MMS19: variants seen among roughly 807,000 people sequenced by gnomAD.
The protein encoded by MMS19 is MMS19 cytosolic iron-sulfur assembly component, also known as MMS19 nucleotide excision repair protein homolog.
In MMS19, 77 loss-of-function variants were observed where a neutral mutation model predicts 129.8. The observed-to-expected ratio is 0.59, with a 90% CI of 0.49 to 0.72. The LOEUF (loss-of-function observed/expected upper bound fraction) is 0.72, where lower values mean the gene tolerates loss of function less well. Among genes scored for constraint, MMS19 ranks in the 30% least tolerant of loss-of-function variants. The probability of loss-of-function intolerance (pLI) is 0.00; values close to 1 mark genes in which losing one functional copy is unlikely to be tolerated. For missense variants in MMS19, 1,168 were observed against 1,266.3 expected (o/e 0.92, Z 1.18); for synonymous variants, 491 against 502.8 (o/e 0.98, Z 0.31).
chr10:97,466,491 T>C lies in MMS19; in HGVS notation c.1505+13A>G, dbSNP rs2033524008. The C allele has an allele frequency of 1.9e-6, 3 of 1,605,942 alleles. No homozygotes were observed. Among genetic ancestry groups the C allele is most frequent in the Non-Finnish European group, 2.6e-6 (3 of 1,172,596 alleles). The stretch of plus-strand genomic sequence containing the variant: ...GGAACAGCTTGCTCTATCTCATTGC[T>C]TTAAATTCTCACCAACTCTGGGAAT... On this transcript the variant is annotated intron_variant, in intron 16 of 30. Transcript: ENST00000438925.
chr10:97,465,603 C>T (rs1589603087), intron 18 of MMS19, among the ~76,000 whole-genome samples: 1 of 152,242 alleles, frequency 6.6e-6, no homozygotes, highest in Non-Finnish European at 1.5e-5. Flanking sequence ...CGGCCCTGGC[C>T]GGGTACTCTT....
Position 97,468,316 on chromosome 10 carries a change from G to GC in MMS19, c.1153dup (p.Ala385GlyfsTer3), listed in dbSNP as rs1385500928. ...TACATTGCTGGTGACAGAGTCACAG[G>GC]CCCGGGCAGATGCACCTGCAGCTGC... is the stretch of plus-strand genomic sequence containing the variant. On this transcript the variant is annotated frameshift_variant, in exon 13 of 31. Transcript: ENST00000438925. LOFTEE classifies it high-confidence loss of function. 6.2e-7 allele frequency: 1 copy of GC among 1,612,206 alleles called. No individual in the cohort carries two copies. Among genetic ancestry groups the GC allele is most frequent in the Admixed American group, 1.7e-5 (1 of 59,878 alleles).
intron 19 of MMS19, chr10:97,463,003 GA>G (rs532441106): frequency 5.6e-4 from 151 of 270,334 alleles, no homozygotes; most frequent in East Asian, 1.2e-3. Context: ...GAGATGCAAG[GA>G]AAAAAAAATA....
intron 3 of MMS19, chr10:97,480,199 T>C (rs543745676): frequency 2.0e-5 from 9 of 450,216 alleles, no homozygotes; most frequent in African/African-American, 1.6e-4. Flanking sequence ...CCGAGCCCTA[T>C]GCAAATCAGA....
rs2030933369 is a variant in MMS19, at chr10:97,459,281, G to A, written c.2906C>T (p.Ala969Val). ...GCACTGCAGTGCGGCGATCCGGACA[G>A]CCTGGAACACAACCACAAGGAGGTG... ...FLNLSSSPSM[A>V]VRIAALQCMH... Residue 969 changes from alanine (A) to valine (V), a missense_variant and splice_region_variant, in exon 29 of 31, where the codon GCT (alanine) becomes GTT (valine). Ala to Val is a moderately conservative substitution (Grantham distance 64, BLOSUM62 0). Coordinates refer to ENST00000438925, the MANE Select transcript of MMS19 (RefSeq NM_022362.5). The A allele has an allele frequency of 6.2e-7, 1 of 1,613,314 alleles. No individual in the cohort carries two copies. The highest frequency in any genetic ancestry group is 1.1e-5 in the South Asian group (1 of 91,006).
chr10:97,461,826 A>ACATTT lies in MMS19; in HGVS notation c.2181_2184+1dup. The ACATTT allele has an allele frequency of 6.2e-7, 1 of 1,607,770 alleles. No homozygotes were observed. The highest frequency in any genetic ancestry group is 8.5e-7 in the Non-Finnish European group (1 of 1,177,128). ...CAGTACTTCCCAAATGTGCTCACTT[A>ACATTT]CATTTCGAGGCAGGGAGCAGACAAA... On this transcript the variant is annotated splice_donor_variant, in intron 22 of 30. Transcript: ENST00000438925. LOFTEE classifies it high-confidence loss of function.
At chr10:97,468,835 C>T (rs2034088155) in intron 12 of MMS19, 131 bp downstream of exon 12, 3 of 947,054 alleles carry the variant, frequency 3.2e-6, no homozygotes, top group East Asian at 2.8e-5. Context: ...TCTTTAACTC[C>T]TGACCTCAGG....
chr10:97,497,515 T>C (rs1201364731), intron 1 of MMS19, among the ~76,000 whole-genome samples: 2 of 146,110 alleles, frequency 1.4e-5, no homozygotes, highest in Non-Finnish European at 3.1e-5. Context: ...TCAATAACTT[T>C]TTAGTAGTTT....
Position 97,460,995 on chromosome 10 carries a change from T to A in MMS19, c.2324A>T (p.Asp775Val), listed in dbSNP as rs2031711261. 6.4e-7 allele frequency: 1 copy of A among 1,560,724 alleles called. No individual in the cohort carries two copies. The highest frequency in any genetic ancestry group is 8.7e-7 in the Non-Finnish European group (1 of 1,151,356). Residue 775 changes from aspartate to valine, a missense_variant, in exon 24 of 31, where the codon GAT (aspartate) becomes GTT (valine). By Grantham distance (152) the Asp-to-Val change is radical (BLOSUM62 -3). Transcript: ENST00000438925. ...GTCCACAGCTAGCTGTAGGAATTCA[T>A]CCAGCTGCTGCCCTAAAAAGGAGAG... ...LNKHPAGQQLDEFLQLAVDKV... is the reference protein window; with the variant it reads ...LNKHPAGQQLVEFLQLAVDKV...
chr10:97,498,393 C>T lies in MMS19; in HGVS notation c.-9G>A, dbSNP rs1412804566. 1.3e-6 allele frequency: 2 copies of T among 1,579,674 alleles called. No individual in the cohort carries two copies. Among genetic ancestry groups the T allele is most frequent in the South Asian group, 1.1e-5 (1 of 87,966 alleles). On this transcript the variant is annotated 5_prime_UTR_variant, in exon 1 of 31. Coordinates refer to ENST00000438925, the MANE Select transcript of MMS19 (RefSeq NM_022362.5). ...GCCGCGGCAGCGGCCATAACGCGAA[C>T]TAGAGACCGTGGGAGGGGATATGGG...
intron 1 of MMS19, among the ~76,000 whole-genome samples, chr10:97,493,372 T>G (rs560079570): frequency 4.0e-5 from 6 of 151,744 alleles, no homozygotes; most frequent in African/African-American, 1.5e-4. Flanking sequence ...AGGTCAGGAG[T>G]TGGAGACCAC....
rs29001308 is a variant in MMS19 at position 97,469,402 on chromosome 10, G to C, written c.924+244C>G. ...ACCATGACCTGCACTCCTTGCCACA[G>C]AAGGACAAGAAGTGGGTAATGTGCA... On this transcript the variant is annotated intron_variant, in intron 11 of 30. Transcript: ENST00000438925. 3.1e-3 allele frequency among the ~76,000 whole-genome samples: 469 copies of C among 152,318 alleles called. 3 individuals carry two copies. The highest frequency in any genetic ancestry group is 0.011 in the African/African-American group (457 of 41,570).
At chr10:97,476,235 G>A (rs1362799062) in intron 8 of MMS19, among the ~76,000 whole-genome samples, 1 of 152,194 alleles carries the variant, frequency 6.6e-6, no homozygotes, top group Admixed American at 6.5e-5. Flanking sequence ...AGCCTGAGAT[G>A]CCCTGTCCAA....
chr10:97,472,123 G>T (rs772645215), intron 8 of MMS19, among the ~76,000 whole-genome samples: 1 of 152,198 alleles, frequency 6.6e-6, no homozygotes, highest in African/African-American at 2.4e-5. Context: ...AAGTTTCAAT[G>T]TATCGGGGTG....
chr10:97,466,772 G>A lies in MMS19; in HGVS notation c.1423+4C>T, dbSNP rs898300878. ...TTTCCTCTTCTCTTTCCCTTAAGAT[G>A]TACCTGGCTGGGCACCCAAGACTGT... On this transcript the variant is annotated splice_donor_region_variant and intron_variant, in intron 15 of 30. Transcript: ENST00000438925. 2 of 1,613,886 alleles carry A rather than the reference G, an allele frequency of 1.2e-6. No homozygotes were observed. The highest frequency in any genetic ancestry group is 1.7e-6 in the Non-Finnish European group (2 of 1,179,898).
intron 10 of MMS19, 134 bp from the exon 11 acceptor site, chr10:97,469,857 C>T: frequency 1.4e-6 from 1 of 719,868 alleles, no homozygotes; most frequent in South Asian, 1.7e-5. Context: ...AACAGTCCTA[C>T]TAAGGGAACA....
intron 1 of MMS19, among the ~76,000 whole-genome samples, chr10:97,493,918 G>A (rs2039374787): frequency 6.6e-6 from 1 of 152,132 alleles, no homozygotes; most frequent in Non-Finnish European, 1.5e-5. Context: ...GGGAGGCTGA[G>A]GCAGGAGAAT....
At position 97,478,987 on chromosome 10, in the gene MMS19, G is replaced by A. The variant is rs144695974; in HGVS notation, c.263-598C>T. The stretch of plus-strand genomic sequence containing the variant: ...CTTGCCTATAGGGAGGCTGAGGTGG[G>A]ACGATCATTTAAGCCCAGAGGTTTA... On this transcript the variant is annotated intron_variant, in intron 3 of 30. Transcript: ENST00000438925. 1.0e-3 allele frequency among the ~76,000 whole-genome samples: 152 copies of A among 152,254 alleles called. 1 individual carries two copies. The highest frequency in any genetic ancestry group is 3.3e-3 in the African/African-American group (139 of 41,548).
intron 1 of MMS19, among the ~76,000 whole-genome samples, chr10:97,496,372 C>T (rs1197766887): frequency 1.3e-5 from 2 of 151,766 alleles, no homozygotes; most frequent in Admixed American, 6.6e-5. Flanking sequence ...ATTAGCCGAG[C>T]GCAGTGGCAC....
Sources: gnomAD v4.1 joint callset for allele counts (sites outside exome capture counted in the v4.1 genomes callset) on GRCh38, gnomAD v4.1.1 for gene constraint, MANE v1.5 for transcripts, NCBI Gene and HGNC (gene_info 2026-07-23, HGNC 2026-07-21) for gene names.